MAGI2: variants seen among roughly 807,000 people sequenced by gnomAD.
The protein encoded by MAGI2 is membrane-associated guanylate kinase, WW and PDZ domain-containing protein 2.
Under a neutral mutation model 133.3 loss-of-function variants are expected in MAGI2, and 35 were observed. The ratio of observed to expected loss-of-function variants is 0.26; its 90% CI spans 0.20 to 0.35. The LOEUF (loss-of-function observed/expected upper bound fraction) is 0.35, where lower values mean the gene tolerates loss of function less well. MAGI2 is among the 10% of genes least tolerant of loss of function. The pLI, the probability that MAGI2 is intolerant of heterozygous loss-of-function variation, is 1.00. For missense variants in MAGI2, 1,636 were observed against 1,863.4 expected, an observed-to-expected ratio of 0.88 and a Z score of 2.25; for synonymous variants, 729 against 710.6, an observed-to-expected ratio of 1.03 and a Z score of -0.41.
intron 2 of MAGI2, among the ~76,000 whole-genome samples, chr7:78,701,141 C>T (rs1818028787): frequency 6.6e-6 from 1 of 151,656 alleles, no homozygotes; most frequent in Non-Finnish European, 1.5e-5. Flanking sequence ...GTAAGAAAGA[C>T]TGAACATTAA....
At chr7:78,658,743 C>T (rs992102239) in intron 2 of MAGI2, among the ~76,000 whole-genome samples, 4 of 152,146 alleles carry the variant, frequency 2.6e-5, no homozygotes, top group South Asian at 2.1e-4. Flanking sequence ...TACAGCATTA[C>T]AAATTAGTAC....
intron 1 of MAGI2, among the ~76,000 whole-genome samples, chr7:79,069,382 T>C (rs1483437665): frequency 1.3e-5 from 2 of 152,218 alleles, no homozygotes; most frequent in African/African-American, 4.8e-5. Flanking sequence ...GGATCTTTGT[T>C]GGTTTAAAGT....
At chr7:79,177,000 A>G (rs1826158797) in intron 1 of MAGI2, 1 of 152,012 alleles carries the variant, frequency 6.6e-6, no homozygotes, top group Non-Finnish European at 1.5e-5. Context: ...ATGCGGAATC[A>G]GAAAGCAGCG....
intron 9 of MAGI2, among the ~76,000 whole-genome samples, chr7:78,322,403 A>G (rs754591816): frequency 7.2e-5 from 11 of 152,256 alleles, no homozygotes; most frequent in Non-Finnish European, 1.5e-4. Context: ...AATGTGGCAC[A>G]TATACACCAT....
At chr7:78,324,215 T>TACA (rs1788344167) in intron 9 of MAGI2, among the ~76,000 whole-genome samples, 1 of 150,840 alleles carries the variant, frequency 6.6e-6, no homozygotes, top group African/African-American at 2.4e-5. Flanking sequence ...TACACTACAC[T>TACA]TTAGAAGCCT....
At chr7:78,368,072 G>A (rs1051214629) in intron 7 of MAGI2, among the ~76,000 whole-genome samples, 4 of 152,258 alleles carry the variant, frequency 2.6e-5, no homozygotes, top group Admixed American at 1.3e-4. Flanking sequence ...GGAAATGACT[G>A]TGGAGCCAAA....
At chr7:78,628,968 C>G (rs1584898385) in intron 2 of MAGI2, among the ~76,000 whole-genome samples, 4 of 151,646 alleles carry the variant, frequency 2.6e-5, no homozygotes, top group Admixed American at 2.6e-4. Flanking sequence ...ATTTTCCTTA[C>G]TAATTTATCT....
intron 1 of MAGI2, among the ~76,000 whole-genome samples, chr7:79,442,874 A>C (rs1263756223): frequency 6.6e-6 from 1 of 152,160 alleles, no homozygotes; most frequent in Non-Finnish European, 1.5e-5. Context: ...TCCAAGCCTA[A>C]ATACTTGCTA....
chr7:79,394,378 C>A (rs1844893051), intron 1 of MAGI2, among the ~76,000 whole-genome samples: 1 of 152,128 alleles, frequency 6.6e-6, no homozygotes, highest in African/African-American at 2.4e-5. Flanking sequence ...AGCCTTTTGT[C>A]CCAATTACTC....
At chr7:78,492,965 T>G (rs62467107) in intron 5 of MAGI2, among the ~76,000 whole-genome samples, 13,556 of 152,206 alleles carry the variant, frequency 0.089, 778 homozygotes, top group Non-Finnish European at 0.13. Flanking sequence ...GTGATGATCA[T>G]GAAAAGTGAG....
chr7:78,751,622 A>G (rs1382865546), intron 2 of MAGI2, among the ~76,000 whole-genome samples: 2 of 152,234 alleles, frequency 1.3e-5, no homozygotes, highest in African/African-American at 4.8e-5. Context: ...ATACCAAGTA[A>G]TATATTTTAA....
chr7:79,205,931 T>C (rs994152259), intron 1 of MAGI2, among the ~76,000 whole-genome samples: 8 of 151,384 alleles, frequency 5.3e-5, no homozygotes, highest in African/African-American at 1.9e-4. Context: ...AAAAATCACT[T>C]AACCAATAAT....
At chr7:79,365,887 A>AAAAG (rs1842674423) in intron 1 of MAGI2, among the ~76,000 whole-genome samples, 1 of 150,652 alleles carries the variant, frequency 6.6e-6, no homozygotes, top group Non-Finnish European at 1.5e-5. Flanking sequence ...AAAAAAAAAA[A>AAAAG]AAAGTAACAA....
chr7:78,386,111 A>C (rs1028528687), intron 6 of MAGI2, among the ~76,000 whole-genome samples: 1 of 152,160 alleles, frequency 6.6e-6, no homozygotes, highest in African/African-American at 2.4e-5. Context: ...TCCTGGGCAG[A>C]AGGACTAGAT....
intron 2 of MAGI2, among the ~76,000 whole-genome samples, chr7:78,850,551 T>A (rs1406908699): frequency 6.6e-6 from 1 of 152,110 alleles, no homozygotes; most frequent in Non-Finnish European, 1.5e-5. Context: ...TGATACACGT[T>A]CCCAGTATAA....
intron 1 of MAGI2, among the ~76,000 whole-genome samples, chr7:79,093,865 C>T (rs537493982): frequency 6.6e-6 from 1 of 151,974 alleles, no homozygotes; most frequent in African/African-American, 2.4e-5. Flanking sequence ...CAGGTGCCTG[C>T]CAACACACCC....
chr7:78,649,531 TA>T (rs1811320699), intron 2 of MAGI2, among the ~76,000 whole-genome samples: 1 of 152,178 alleles, frequency 6.6e-6, no homozygotes, highest in Non-Finnish European at 1.5e-5. Flanking sequence ...GTTGCAAATT[TA>T]AAAAGTTAGT....
At chr7:79,319,849 G>A (rs1839034100) in intron 1 of MAGI2, among the ~76,000 whole-genome samples, 1 of 152,120 alleles carries the variant, frequency 6.6e-6, no homozygotes, top group African/African-American at 2.4e-5. Flanking sequence ...AGATAGACAT[G>A]ATTGACCCAC....
Position 78,476,361 on chromosome 7 carries a change from A to C in MAGI2, c.1045+13400T>G, listed in dbSNP as rs10257012. On this transcript the variant is annotated intron_variant, in intron 6 of 21. Coordinates refer to ENST00000354212, the MANE Select transcript of MAGI2 (RefSeq NM_012301.4). ...GCAAAGAAAGAATATAAATTAGAAA[A>C]AGTTGAAAAGATAATGCGGGAGAAA... is the stretch of plus-strand genomic sequence containing the variant. 6.8e-3 allele frequency among the ~76,000 whole-genome samples: 1,038 copies of C among 151,878 alleles called. 12 individuals carry two copies. Among genetic ancestry groups the C allele is most frequent in the African/African-American group, 0.024 (1,001 of 41,450 alleles).
Sources: allele counts gnomAD v4.1 joint callset (sites outside exome capture counted in the v4.1 genomes callset), GRCh38; gene constraint gnomAD v4.1.1; transcripts MANE v1.5; gene names NCBI Gene and HGNC (gene_info 2026-07-23, HGNC 2026-07-21).